CUL3: variants seen among roughly 807,000 people sequenced by gnomAD.
CUL3 encodes the protein cullin-3.
In CUL3, 19 loss-of-function variants were observed where a neutral mutation model predicts 89.1. The observed-to-expected ratio is 0.21, with a 90% CI of 0.15 to 0.31. CUL3 has a LOEUF of 0.31. CUL3 is among the 10% of genes least tolerant of loss of function. The probability of loss-of-function intolerance (pLI) is 1.00; values close to 1 mark genes in which losing one functional copy is unlikely to be tolerated. For missense variants in CUL3, 469 were observed against 942.3 expected (o/e 0.50, Z 6.58); for synonymous variants, 351 against 308.4 (o/e 1.14, Z -1.45).
At chr2:224,495,601 CTACTTA>C (rs1692143368) in intron 13 of CUL3, 1 of 307,174 alleles carries the variant, frequency 3.3e-6, no homozygotes, top group African/African-American at 2.2e-5. Flanking sequence ...ATCAAATTGT[CTACTTA>C]TATAAGGTAT....
At chr2:224,572,738 G>C (rs1485303756) in intron 1 of CUL3, among the ~76,000 whole-genome samples, 1 of 151,832 alleles carries the variant, frequency 6.6e-6, no homozygotes. Flanking sequence ...GGCTGACAGA[G>C]AGTTTATTTT....
At chr2:224,478,967 C>T (rs1334170203) in intron 14 of CUL3, 1 of 152,248 alleles carries the variant, frequency 6.6e-6, no homozygotes, top group Non-Finnish European at 1.5e-5. Context: ...AACCTCATCA[C>T]AAATTCATAC....
rs949953803 is a variant in CUL3 at position 224,470,448 on chromosome 2, T to C, written c.*3797A>G. On this transcript the variant is annotated 3_prime_UTR_variant, in exon 16 of 16. Transcript: ENST00000264414. ...CAAGACATCCTAGTTGTTTTTCTCC[T>C]GAGAGCTGGCGTAATGGCCAATCTC... 8.7e-6 allele frequency: 2 copies of C among 230,818 alleles called. No individual in the cohort carries two copies. The highest frequency in any genetic ancestry group is 1.7e-5 in the Non-Finnish European group (2 of 116,682). The allele number at this position is 230,818 out of a possible 1,614,324, so 14.3% of individuals were successfully genotyped here.
intron 1 of CUL3, among the ~76,000 whole-genome samples, chr2:224,581,550 T>C (rs1244384280): frequency 1.3e-5 from 2 of 151,182 alleles, no homozygotes; most frequent in Non-Finnish European, 3.0e-5. Context: ...TTGCCCAGGC[T>C]GGAGTGCAGT....
intron 3 of CUL3, among the ~76,000 whole-genome samples, chr2:224,518,321 G>C (rs1270690332): frequency 6.6e-6 from 1 of 152,068 alleles, no homozygotes; most frequent in Non-Finnish European, 1.5e-5. Context: ...TCTGTTTAGG[G>C]CTAAACAGCA....
chr2:224,537,872 T>C (rs904160885), intron 2 of CUL3, among the ~76,000 whole-genome samples: 1 of 152,140 alleles, frequency 6.6e-6, no homozygotes, highest in Non-Finnish European at 1.5e-5. Context: ...GAATAAAAAA[T>C]TGACCAATTA....
chr2:224,514,417 T>C (rs1692956118), intron 4 of CUL3, among the ~76,000 whole-genome samples, 195 bp downstream of exon 4: 1 of 152,220 alleles, frequency 6.6e-6, no homozygotes, highest in Admixed American at 6.5e-5. Context: ...GATAGTCTCT[T>C]CTAAAAATAT....
At position 224,471,438 on chromosome 2, in the gene CUL3, T is replaced by C. The variant is rs780267969; in HGVS notation, c.*2807A>G. 1.4e-4 allele frequency: 28 copies of C among 197,550 alleles called. No individual in the cohort carries two copies. The highest frequency in any genetic ancestry group is 2.1e-4 in the Non-Finnish European group (20 of 95,536). The allele number at this position is 197,550 out of a possible 1,614,324, so 12.2% of individuals were successfully genotyped here. ...CCAGTGTACTAGTCTTCTAGAGATG[T>C]AGGCATAATCTTAAAACTGGTTCTA... On this transcript the variant is annotated 3_prime_UTR_variant, in exon 16 of 16. Transcript: ENST00000264414.
chr2:224,493,915 C>T (rs1279156545), intron 13 of CUL3, among the ~76,000 whole-genome samples: 1 of 151,914 alleles, frequency 6.6e-6, no homozygotes, highest in Non-Finnish European at 1.5e-5. Context: ...ATTCTTGGGA[C>T]TCAATCAAAT....
intron 2 of CUL3, among the ~76,000 whole-genome samples, chr2:224,556,028 T>G (rs748253299): frequency 3.0e-4 from 45 of 151,744 alleles, no homozygotes; most frequent in Non-Finnish European, 5.6e-4. Context: ...AAAAAACTGC[T>G]GATTGTGTGA....
chr2:224,504,241 C>T, intron 8 of CUL3: 1 of 154,976 alleles, frequency 6.5e-6, no homozygotes. Flanking sequence ...CTCAACTGTG[C>T]AAACAAAAGG....
chr2:224,583,362 C>T (rs1015544167), intron 1 of CUL3, among the ~76,000 whole-genome samples: 7 of 150,334 alleles, frequency 4.7e-5, no homozygotes, highest in Admixed American at 3.3e-4. Context: ...ACTCTTGTCT[C>T]AAAAAAAAAG....
intron 1 of CUL3, among the ~76,000 whole-genome samples, chr2:224,577,569 CAAAA>C (rs34800843): frequency 7.5e-6 from 1 of 133,298 alleles, no homozygotes; most frequent in Admixed American, 7.5e-5. Context: ...GACTCTGTCT[CAAAA>C]AAAAAAAAAA....
Position 224,482,055 on chromosome 2 carries a change from G to A in CUL3, c.1866C>T (p.Ile622=), listed in dbSNP as rs2106152387. 6.2e-7 allele frequency: 1 copy of A among 1,600,200 alleles called. No individual in the cohort carries two copies. The change falls in exon 14 of 16, where the codon ATC becomes ATT. Residue 622 remains isoleucine, a synonymous_variant. Coordinates refer to ENST00000264414, the MANE Select transcript of CUL3 (RefSeq NM_003590.5). ...GGGCTCTAACAAGCTCTCTTTCAGG[G>A]ATATCTGTCTCTTGCTGAATTTCCT... The part of the protein sequence containing the change: ...TFEEIQQETD[I]PERELVRALQ...
chr2:224,576,785 G>A (rs540933200), intron 1 of CUL3, among the ~76,000 whole-genome samples: 2 of 151,900 alleles, frequency 1.3e-5, no homozygotes, highest in East Asian at 3.9e-4. Context: ...ACATATTATA[G>A]AACATGCAAA....
At chr2:224,555,260 T>C (rs1694658661) in intron 2 of CUL3, among the ~76,000 whole-genome samples, 1 of 152,204 alleles carries the variant, frequency 6.6e-6, no homozygotes, top group Non-Finnish European at 1.5e-5. Flanking sequence ...TTCCCACTAT[T>C]ACTTCACAGT....
At chr2:224,569,793 G>C (rs747522490) in intron 1 of CUL3, 3 of 1,154,466 alleles carry the variant, frequency 2.6e-6, no homozygotes, top group South Asian at 3.4e-5. Context: ...CAAAGGACAA[G>C]AAGTCTTTAG....
chr2:224,534,124 C>T (rs1300821382), intron 3 of CUL3, among the ~76,000 whole-genome samples: 3 of 152,156 alleles, frequency 2.0e-5, no homozygotes, highest in African/African-American at 7.2e-5. Context: ...AAGTCATTAA[C>T]TTATTAATTT....
chr2:224,562,375 C>T lies in CUL3; in HGVS notation c.67-4519G>A, dbSNP rs185970642. 2.8e-3 allele frequency among the ~76,000 whole-genome samples: 428 copies of T among 152,090 alleles called. 3 individuals are homozygous for T. Among genetic ancestry groups the T allele is most frequent in the Non-Finnish European group, 5.1e-3 (344 of 67,988 alleles). On this transcript the variant is annotated intron_variant, in intron 1 of 15. Transcript: ENST00000264414. ...AAGAAGAGCCAGGCACAGTGGCTCC[C>T]GCCTGTAATCCCACCACTTTGGGAA...
Sources: allele counts gnomAD v4.1 joint callset (sites outside exome capture counted in the v4.1 genomes callset), GRCh38; gene constraint gnomAD v4.1.1; transcripts MANE v1.5; gene names NCBI Gene and HGNC (gene_info 2026-07-23, HGNC 2026-07-21).